Variants in WWTR1 observed in about 807,000 individuals in gnomAD.
WWTR1 encodes the protein WW domain containing transcription regulator 1, also known as WW domain-containing transcription regulator protein 1.
In WWTR1, 13 loss-of-function variants were observed where a neutral mutation model predicts 40.1. The ratio of observed to expected loss-of-function variants is 0.32; its 90% CI spans 0.21 to 0.52. The LOEUF is 0.52. Among genes scored for constraint, WWTR1 ranks in the 20% least tolerant of loss-of-function variants. The pLI, the probability that WWTR1 is intolerant of heterozygous loss-of-function variation, is 0.97. For missense variants in WWTR1, 436 were observed against 523.1 expected (o/e 0.83, Z 1.63); for synonymous variants, 230 against 210.1 (o/e 1.09, Z -0.82).
intron 4 of WWTR1, among the ~76,000 whole-genome samples, chr3:149,531,223 C>T (rs1016499304): frequency 3.7e-4 from 56 of 152,204 alleles, no homozygotes; most frequent in African/African-American, 1.2e-3. Flanking sequence ...GCGTGAGCCA[C>T]TGCACCCGGC....
chr3:149,631,112 C>G (rs1195928045), intron 2 of WWTR1, among the ~76,000 whole-genome samples: 1 of 152,174 alleles, frequency 6.6e-6, no homozygotes, highest in East Asian at 1.9e-4. Context: ...GCTGTCCCCA[C>G]TCACCTGGGG....
intron 3 of WWTR1, among the ~76,000 whole-genome samples, chr3:149,558,653 T>G (rs1405630646): frequency 1.3e-5 from 2 of 152,142 alleles, no homozygotes; most frequent in Non-Finnish European, 2.9e-5. Context: ...CAACATCACT[T>G]CCATGGTATT....
At chr3:149,582,543 T>C (rs1448997059) in intron 2 of WWTR1, among the ~76,000 whole-genome samples, 1 of 150,686 alleles carries the variant, frequency 6.6e-6, no homozygotes, top group African/African-American at 2.4e-5. Flanking sequence ...CTGGGCAACA[T>C]AGGGAGATCT....
At chr3:149,648,951 T>C (rs1251375568) in intron 2 of WWTR1, 1 of 151,184 alleles carries the variant, frequency 6.6e-6, no homozygotes, top group East Asian at 1.9e-4. Context: ...ATACTCACGA[T>C]GCTAACACAA....
intron 2 of WWTR1, among the ~76,000 whole-genome samples, chr3:149,580,408 A>G (rs1266383569): frequency 1.3e-5 from 2 of 152,060 alleles, no homozygotes; most frequent in Non-Finnish European, 2.9e-5. Context: ...CCACAATGCA[A>G]TGGGAGCTGA....
rs73001936 is a variant in WWTR1 at position 149,715,927 on chromosome 3, T to C, written n.584+1515A>G. Among the ~76,000 whole-genome samples, 988 of 152,088 alleles carry C rather than the reference T, an allele frequency of 6.5e-3. 11 individuals are homozygous for C. Among genetic ancestry groups the C allele is most frequent in the African/African-American group, 0.023 (945 of 41,480 alleles). ...AAGTCTTGTTTGGTTTGGTTTGGGG[T>C]GGGGGTTAACTAGGGAGCCTCATCA... On this transcript the variant is annotated intron_variant and non_coding_transcript_variant, in intron 5 of 6. Transcript: ENST00000474080.
intron 4 of WWTR1, among the ~76,000 whole-genome samples, chr3:149,532,807 G>A (rs1735649072): frequency 6.6e-6 from 1 of 152,134 alleles, no homozygotes; most frequent in African/African-American, 2.4e-5. Context: ...AAAAATGAAA[G>A]GCAAACGTCT....
intron 1 of WWTR1, among the ~76,000 whole-genome samples, chr3:149,695,223 A>G (rs540531653): frequency 2.0e-5 from 3 of 152,352 alleles, no homozygotes; most frequent in African/African-American, 7.2e-5. Context: ...AGGTAGATAG[A>G]AAGAATAAGA....
chr3:149,710,470 T>C (rs1168597230), intron 5 of WWTR1, among the ~76,000 whole-genome samples: 1 of 151,850 alleles, frequency 6.6e-6, no homozygotes, highest in East Asian at 1.9e-4. Flanking sequence ...GGTTTTCTCA[T>C]GTGTAAAATA....
intron 2 of WWTR1, among the ~76,000 whole-genome samples, chr3:149,636,724 A>G (rs1226456469): frequency 6.6e-6 from 1 of 152,190 alleles, no homozygotes; most frequent in Admixed American, 6.5e-5. Flanking sequence ...AAAGAAAAAA[A>G]TCATTTATAT....
intron 2 of WWTR1, among the ~76,000 whole-genome samples, chr3:149,586,235 G>A (rs1738418278): frequency 6.6e-6 from 1 of 151,628 alleles, no homozygotes; most frequent in South Asian, 2.1e-4. Flanking sequence ...GAATATATAC[G>A]GCACGGCCAT....
At chr3:149,642,491 TC>T (rs1205578844) in intron 2 of WWTR1, among the ~76,000 whole-genome samples, 1 of 150,570 alleles carries the variant, frequency 6.6e-6, no homozygotes, top group Non-Finnish European at 1.5e-5. Flanking sequence ...GTAAGAGAAA[TC>T]CGGCCGGGCA....
intron 2 of WWTR1, among the ~76,000 whole-genome samples, chr3:149,612,803 C>T (rs942625606): frequency 6.6e-6 from 1 of 152,114 alleles, no homozygotes; most frequent in Non-Finnish European, 1.5e-5. Context: ...TTTCTTTAAC[C>T]ATGAACATCG....
rs1333705070 is a variant in WWTR1, at chr3:149,521,130, T to C, written c.1019-141A>G. On this transcript the variant is annotated intron_variant, in intron 6 of 6. Transcript: ENST00000360632. ...CCCTTACTCATAAGAGGTACAGAGA[T>C]GTGGAAGAAATCGAAAATTATTTCT... 6 of 1,034,208 alleles carry C rather than the reference T, an allele frequency of 5.8e-6. No homozygotes were observed. In the African/African-American group the frequency reaches 6.6e-5, roughly 11 times the overall value. 64.1% of individuals were successfully genotyped at this position (1,034,208 alleles called of 1,614,324 possible).
chr3:149,586,758 AC>A (rs1412183751), intron 2 of WWTR1, among the ~76,000 whole-genome samples: 2 of 152,178 alleles, frequency 1.3e-5, no homozygotes, highest in African/African-American at 4.8e-5. Flanking sequence ...CCACATCCCA[AC>A]CTTCAGGGAA....
rs1734929695 is a variant in WWTR1, at chr3:149,519,262, A to G, written c.*1543T>C. On this transcript the variant is annotated 3_prime_UTR_variant, in exon 7 of 7. Transcript: ENST00000360632. ...TGGTTACATAAGAGGTATTGAATAC[A>G]TATTTCATGCCTTTTTATACCAACT... 6.6e-6 allele frequency: 1 copy of G among 152,238 alleles called. No homozygotes were observed. The highest frequency in any genetic ancestry group is 2.4e-5 in the African/African-American group (1 of 41,462). The allele number at this position is 152,238 out of a possible 1,614,324, so 9.4% of individuals were successfully genotyped here.
intron 5 of WWTR1, among the ~76,000 whole-genome samples, chr3:149,527,619 A>G (rs1420991670): frequency 6.6e-6 from 1 of 152,172 alleles, no homozygotes; most frequent in Non-Finnish European, 1.5e-5. Context: ...GGTTTACTCT[A>G]CGTCCTATCA....
At chr3:149,592,373 T>C (rs531673381) in intron 2 of WWTR1, among the ~76,000 whole-genome samples, 4 of 152,358 alleles carry the variant, frequency 2.6e-5, no homozygotes, top group East Asian at 1.9e-4. Context: ...TTCAACAGCA[T>C]TGTCTGAACA....
chr3:149,537,476 G>T (rs1310849348), intron 4 of WWTR1, among the ~76,000 whole-genome samples: 1 of 152,200 alleles, frequency 6.6e-6, no homozygotes, highest in African/African-American at 2.4e-5. Context: ...TTCTAGGTAA[G>T]AGTATAGGTG....
Sources: allele counts gnomAD v4.1 joint callset (sites outside exome capture counted in the v4.1 genomes callset), GRCh38; gene constraint gnomAD v4.1.1; transcripts MANE v1.5; gene names NCBI Gene and HGNC (gene_info 2026-07-23, HGNC 2026-07-21).